Variants in DLG2 observed in about 807,000 individuals in gnomAD.
DLG2 encodes the protein discs large MAGUK scaffold protein 2.
A neutral mutation model predicts 132.5 loss-of-function variants in DLG2; 45 were observed. The observed-to-expected ratio is 0.34, with a 90% CI of 0.27 to 0.44. The LOEUF (loss-of-function observed/expected upper bound fraction) is 0.44. DLG2 is among the 20% of genes least tolerant of loss of function. DLG2 has a pLI of 1.00. For missense variants in DLG2, 1,045 were observed against 1,196.9 expected, an observed-to-expected ratio of 0.87 and a Z score of 1.87; for synonymous variants, 424 against 419.6, an observed-to-expected ratio of 1.01 and a Z score of -0.13.
In DLG2 at chr11:84,505,007, C is replaced by T. The variant is rs373937546; in HGVS notation, c.519+29563G>A. On this transcript the variant is annotated intron_variant, in intron 7 of 27. Transcript: ENST00000376104. ...CCATTCACTCTTTTATATTCTTTTA[C>T]GTCAAATTAGTTCAAATTGCCAATG... Among the ~76,000 whole-genome samples, 31 of 152,106 alleles carry T rather than the reference C, an allele frequency of 2.0e-4. No homozygotes were observed. The South Asian group carries it at 2.9e-3, about 14-fold the overall frequency.
chr11:84,050,462 G>C (rs1410997046), intron 11 of DLG2, among the ~76,000 whole-genome samples: 1 of 151,862 alleles, frequency 6.6e-6, no homozygotes, highest in Admixed American at 6.6e-5. Context: ...CTCCCATTCT[G>C]TAGGTTGCCT....
At chr11:84,792,408 T>G (rs544003418) in intron 6 of DLG2, among the ~76,000 whole-genome samples, 1 of 152,298 alleles carries the variant, frequency 6.6e-6, no homozygotes, top group Admixed American at 6.5e-5. Flanking sequence ...TGTGTCTGTC[T>G]GATTTTTGTA....
rs73518937 is a variant in DLG2 at position 84,904,783 on chromosome 11, C to A, written c.357+206878G>T. ...GTTCTTCCCCATTTCCCTGCCAAGGCCCTGCCAAAGTCTGAATACACCACA... is the reference window on the plus strand; with the variant it reads ...GTTCTTCCCCATTTCCCTGCCAAGGACCTGCCAAAGTCTGAATACACCACA... On this transcript the variant is annotated intron_variant, in intron 6 of 27. Coordinates refer to ENST00000376104, the MANE Select transcript of DLG2 (RefSeq NM_001142699.3). Among the ~76,000 whole-genome samples the A allele has an allele frequency of 3.5e-3, 539 of 152,258 alleles. 9 individuals carry two copies. Among genetic ancestry groups the A allele is most frequent in the African/African-American group, 0.012 (516 of 41,554 alleles).
At chr11:83,466,679 G>C (rs753349121) in intron 26 of DLG2, 29 bp downstream of exon 26, 23 of 1,302,036 alleles carry the variant, frequency 1.8e-5, no homozygotes, top group Admixed American at 5.0e-5. Flanking sequence ...GAGTCAGTTG[G>C]ATGAAGGCCT....
chr11:84,330,155 A>G (rs933725506), intron 7 of DLG2, among the ~76,000 whole-genome samples: 2 of 152,156 alleles, frequency 1.3e-5, no homozygotes, highest in African/African-American at 4.8e-5. Context: ...CCCTATTTCC[A>G]TTGTAATTTC....
At chr11:83,468,593 A>G (rs758056003) in intron 25 of DLG2, among the ~76,000 whole-genome samples, 3 of 152,138 alleles carry the variant, frequency 2.0e-5, no homozygotes, top group Non-Finnish European at 2.9e-5. Flanking sequence ...ATCTTCTCCT[A>G]TGATACTGGT....
chr11:85,415,541 T>C (rs992854583), intron 3 of DLG2, among the ~76,000 whole-genome samples: 2 of 152,232 alleles, frequency 1.3e-5, no homozygotes, highest in Non-Finnish European at 2.9e-5. Flanking sequence ...GACTTTTTAA[T>C]GATCACCATT....
chr11:85,174,140 C>G (rs943935064), intron 4 of DLG2, among the ~76,000 whole-genome samples: 6 of 152,148 alleles, frequency 3.9e-5, no homozygotes, highest in African/African-American at 1.4e-4. Flanking sequence ...ATCTACAGAA[C>G]TCTCCAACCA....
chr11:84,082,401 T>C lies in DLG2; in HGVS notation c.749+16522A>G, dbSNP rs1278932758. ...ATGTCCGTATTTTTCAAATTTTCTA[T>C]GAGGTACATCCATTACTTTATAATC... On this transcript the variant is annotated intron_variant, in intron 10 of 27. Coordinates refer to ENST00000376104, the MANE Select transcript of DLG2 (RefSeq NM_001142699.3). Among the ~76,000 whole-genome samples the C allele has an allele frequency of 2.6e-5, 4 of 152,192 alleles. No individual in the cohort carries two copies. In the South Asian group the frequency reaches 8.3e-4, roughly 32 times the overall value.
At chr11:83,818,383 T>A (rs905922237) in intron 17 of DLG2, among the ~76,000 whole-genome samples, 7 of 152,168 alleles carry the variant, frequency 4.6e-5, no homozygotes, top group African/African-American at 7.2e-5. Context: ...AAGGAAAACA[T>A]GAATCCTCCT....
chr11:85,474,897 A>G (rs2093093906), intron 3 of DLG2, among the ~76,000 whole-genome samples: 1 of 151,652 alleles, frequency 6.6e-6, no homozygotes, highest in Admixed American at 6.6e-5. Context: ...CAATGCTTAC[A>G]TTAGAAAAGA....
At chr11:84,609,364 T>G (rs1388602649) in intron 6 of DLG2, among the ~76,000 whole-genome samples, 2 of 152,164 alleles carry the variant, frequency 1.3e-5, no homozygotes, top group Non-Finnish European at 2.9e-5. Context: ...GTAATAATAG[T>G]CAATAGTTGT....
intron 6 of DLG2, among the ~76,000 whole-genome samples, chr11:84,561,879 T>C (rs1284085008): frequency 1.3e-5 from 2 of 152,152 alleles, no homozygotes; most frequent in African/African-American, 4.8e-5. Context: ...TGATGAACAC[T>C]ATATATGTCA....
rs367764681 is a variant in DLG2 at position 85,026,604 on chromosome 11, G to A, written c.357+85057C>T. The stretch of plus-strand genomic sequence containing the variant: ...TATAATCCCAGCACTTTAGGAGGCC[G>A]AGGCAGGAGGATCACAAGGTCAGGA... On this transcript the variant is annotated intron_variant, in intron 6 of 27. Coordinates refer to ENST00000376104, the MANE Select transcript of DLG2 (RefSeq NM_001142699.3). Among the ~76,000 whole-genome samples, 9 of 152,104 alleles carry A rather than the reference G, an allele frequency of 5.9e-5. No individual in the cohort carries two copies. The East Asian group carries it at 7.7e-4, about 13-fold the overall frequency.
chr11:84,174,036 T>TTTTTTTTTTTTTTTTTC (rs1491130141), intron 8 of DLG2, among the ~76,000 whole-genome samples: 1 of 130,092 alleles, frequency 7.7e-6, no homozygotes, highest in South Asian at 2.4e-4. Context: ...TTTTTTTTTT[T>TTTTTTTTTTTTTTTTTC]CTGAGTAAAC....
intron 6 of DLG2, among the ~76,000 whole-genome samples, chr11:84,951,713 A>T (rs527688849): frequency 6.6e-6 from 1 of 151,012 alleles, no homozygotes; most frequent in South Asian, 2.1e-4. Context: ...ACACACACGT[A>T]TATATATAAT....
intron 7 of DLG2, among the ~76,000 whole-genome samples, chr11:84,379,761 A>G (rs1184269387): frequency 6.6e-6 from 1 of 151,498 alleles, no homozygotes; most frequent in Non-Finnish European, 1.5e-5. Flanking sequence ...GTAATGGAAA[A>G]TAGGAAAAGA....
At chr11:83,891,163 A>G (rs1384427915) in intron 15 of DLG2, among the ~76,000 whole-genome samples, 1 of 152,190 alleles carries the variant, frequency 6.6e-6, no homozygotes, top group Non-Finnish European at 1.5e-5. Flanking sequence ...AGCCATGGAT[A>G]TTCCTAGAAA....
chr11:83,629,397 G>A (rs2063188971), intron 19 of DLG2, among the ~76,000 whole-genome samples: 1 of 152,156 alleles, frequency 6.6e-6, no homozygotes, highest in Admixed American at 6.6e-5. Flanking sequence ...ATTAACAAGT[G>A]AACAGGGCTG....
Sources: allele counts gnomAD v4.1 joint callset (sites outside exome capture counted in the v4.1 genomes callset), GRCh38; gene constraint gnomAD v4.1.1; transcripts MANE v1.5; gene names NCBI Gene and HGNC (gene_info 2026-07-23, HGNC 2026-07-21).